Variants in TET2 observed in about 807,000 individuals in gnomAD.
TET2 encodes the protein tet methylcytosine dioxygenase 2.
Under a neutral mutation model 142.9 loss-of-function variants are expected in TET2, and 299 were observed. The ratio of observed to expected loss-of-function variants is 2.09; its 90% CI spans 1.90 to 2.30. TET2 has a LOEUF of 2.30. Ranked by LOEUF, TET2 falls within the 30% of genes most tolerant of loss-of-function variation. TET2 has a pLI of 0.00. For missense variants in TET2, 2,418 were observed against 2,378.0 expected, an observed-to-expected ratio of 1.02 and a Z score of -0.35; for synonymous variants, 819 against 849.0, an observed-to-expected ratio of 0.96 and a Z score of 0.61.
intron 1 of TET2, among the ~76,000 whole-genome samples, chr4:105,182,146 A>C (rs1725155938): frequency 6.6e-6 from 1 of 152,206 alleles, no homozygotes; most frequent in African/African-American, 2.4e-5. Flanking sequence ...TAATTTGCAA[A>C]GACTTGTAAC....
At position 105,236,850 on chromosome 4, in the gene TET2, A is replaced by C; in HGVS notation, c.2908A>C (p.Thr970Pro). The C allele has an allele frequency of 6.2e-7, 1 of 1,614,100 alleles. No individual in the cohort carries two copies. Among genetic ancestry groups the C allele is most frequent in the East Asian group, 2.2e-5 (1 of 44,876 alleles). Residue 970 changes from threonine (T) to proline (P), a missense_variant, in exon 3 of 11, where the codon ACT becomes CCT. Thr to Pro is a conservative substitution (Grantham distance 38). Transcript: ENST00000380013. ...QEQQQTQQPQ[T>P]ESCHSQMHRP... ...ACAGCAGCAAACACAGCAACCCCAA[A>C]CTGAGTCTTGCCATAGTCAGATGCA...
rs376009634 is a variant in TET2, at chr4:105,234,079, C to T, written c.137C>T (p.Pro46Leu). 6.2e-7 allele frequency: 1 copy of T among 1,614,022 alleles called. No individual in the cohort carries two copies. The highest frequency in any genetic ancestry group is 1.1e-5 in the South Asian group (1 of 91,074). Residue 46 changes from proline (P) to leucine (L), a missense_variant, in exon 3 of 11, where the codon CCA becomes CTA. Coordinates refer to ENST00000380013, the MANE Select transcript of TET2 (RefSeq NM_001127208.3). ...NGSPLPERAH[P>L]EVNGDTKWHS... ...AGCCCACTGCCTGAGAGAGCTCATC[C>T]AGAAGTAAATGGAGACACCAAGTGG... is the stretch of plus-strand genomic sequence containing the variant.
intron 1 of TET2, among the ~76,000 whole-genome samples, chr4:105,179,108 A>C (rs1414162622): frequency 6.6e-6 from 1 of 152,138 alleles, no homozygotes; most frequent in Non-Finnish European, 1.5e-5. Flanking sequence ...TGATCCAATT[A>C]CTTCCACCTG....
At chr4:105,177,660 C>G (rs1219253531) in intron 1 of TET2, 1 of 152,230 alleles carries the variant, frequency 6.6e-6, no homozygotes, top group African/African-American at 2.4e-5. Flanking sequence ...GCAACAGGAA[C>G]CTTCATTCAT....
At position 105,236,340 on chromosome 4, in the gene TET2, C is replaced by G. The variant is rs748745799; in HGVS notation, c.2398C>G (p.His800Asp). 1.2e-6 allele frequency: 2 copies of G among 1,613,876 alleles called. No individual in the cohort carries two copies. The highest frequency in any genetic ancestry group is 2.7e-5 in the African/African-American group (2 of 74,924). The change falls in exon 3 of 11, where the codon CAT becomes GAT. Residue 800 changes from histidine (H) to aspartate (D), a missense_variant. Physicochemically the swap from His to Asp is moderately conservative, Grantham distance 81. Transcript: ENST00000380013. The part of the protein sequence containing the change: ...QYSKSSEFET[H>D]NVQMGLEEVQ... ...TTCAAAATCAAGCGAGTTCGAGACTCATAATGTCCAAATGGGACTGGAGGA... is the reference window on the plus strand; with the variant it reads ...TTCAAAATCAAGCGAGTTCGAGACTGATAATGTCCAAATGGGACTGGAGGA...
chr4:105,259,388 T>C (rs1314216701), intron 6 of TET2, among the ~76,000 whole-genome samples: 2 of 152,184 alleles, frequency 1.3e-5, no homozygotes, highest in East Asian at 1.9e-4. Flanking sequence ...CTGGGTATTT[T>C]CCATTTGTAA....
At chr4:105,256,051 A>G (rs1730112778) in intron 6 of TET2, among the ~76,000 whole-genome samples, 1 of 152,110 alleles carries the variant, frequency 6.6e-6, no homozygotes, top group Non-Finnish European at 1.5e-5. Context: ...ACTCTGTGCT[A>G]TTATACAAAT....
In TET2 at chr4:105,234,924, G is replaced by GT; in HGVS notation, c.987dup (p.Glu330Ter). Reference sequence around the variant, plus strand: ...AGAACAACTACAACAACAAAAATCAGTTTTTGAGATATGCCCATCTCCTGC... The same window carrying GT: ...AGAACAACTACAACAACAAAAATCAGTTTTTTGAGATATGCCCATCTCCTGC... On this transcript the variant is annotated frameshift_variant, in exon 3 of 11. Coordinates refer to ENST00000380013, the MANE Select transcript of TET2 (RefSeq NM_001127208.3). LOFTEE classifies it high-confidence loss of function. The GT allele has an allele frequency of 6.2e-7, 1 of 1,614,058 alleles. No homozygotes were observed.
chr4:105,237,680 A>T, intron 3 of TET2: 1 of 1,334,694 alleles, frequency 7.5e-7, no homozygotes, highest in East Asian at 3.2e-5. Context: ...CTGGAGAGAC[A>T]GCTAGGCAGC....
At chr4:105,197,478 G>A (rs1267430497) in intron 2 of TET2, among the ~76,000 whole-genome samples, 11 of 152,220 alleles carry the variant, frequency 7.2e-5, no homozygotes, top group African/African-American at 2.7e-4. Context: ...AAAGTGGTCA[G>A]TGGACTTTAG....
chr4:105,227,839 CTGAATAGCAGG>C (rs1285459634), intron 2 of TET2, among the ~76,000 whole-genome samples: 3 of 152,248 alleles, frequency 2.0e-5, no homozygotes, highest in Non-Finnish European at 2.9e-5. Flanking sequence ...TCTACTTTCA[CTGAATAGCAGG>C]TGAATAGCAG....
intron 2 of TET2, among the ~76,000 whole-genome samples, chr4:105,214,521 G>A (rs867015860): frequency 1.5e-5 from 2 of 131,098 alleles, no homozygotes; most frequent in Non-Finnish European, 1.5e-5. Flanking sequence ...ATGTTGCCCA[G>A]TCTGGCCTCC....
chr4:105,220,734 T>G (rs560852068), intron 2 of TET2, among the ~76,000 whole-genome samples: 1 of 152,298 alleles, frequency 6.6e-6, no homozygotes, highest in South Asian at 2.1e-4. Flanking sequence ...TCTTGACATA[T>G]ATGGAGCGTT....
chr4:105,238,015 AC>A, intron 3 of TET2: 1 of 730,496 alleles, frequency 1.4e-6, no homozygotes, highest in Non-Finnish European at 1.8e-6. Flanking sequence ...TTGGCTCCAT[AC>A]CACAATAAAA....
At chr4:105,247,049 A>C (rs565470006) in intron 6 of TET2, among the ~76,000 whole-genome samples, 90 of 152,338 alleles carry the variant, frequency 5.9e-4, no homozygotes, top group African/African-American at 2.1e-3. Flanking sequence ...ATGGTGGGTG[A>C]TGTTAAACAT....
At chr4:105,227,358 A>C (rs1479177099) in intron 2 of TET2, among the ~76,000 whole-genome samples, 1 of 152,188 alleles carries the variant, frequency 6.6e-6, no homozygotes, top group African/African-American at 2.4e-5. Flanking sequence ...GCATCCTCTT[A>C]GGAAAGACAT....
At position 105,236,112 on chromosome 4, in the gene TET2, C is replaced by T; in HGVS notation, c.2170C>T (p.His724Tyr). The change falls in exon 3 of 11, where the codon CAT becomes TAT. Residue 724 changes from histidine to tyrosine, a missense_variant. By Grantham distance (83) the His-to-Tyr change is moderately conservative. Coordinates refer to ENST00000380013, the MANE Select transcript of TET2 (RefSeq NM_001127208.3). ...CTCACACCTTTTGCAACATAAGCCT[C>T]ATAAACAGGCAGCACAAACACAACC... is the stretch of plus-strand genomic sequence containing the variant. ...SNSHLLQHKP[H>Y]KQAAQTQPSQ... 15 of 1,614,158 alleles carry T rather than the reference C, an allele frequency of 9.3e-6. No individual in the cohort carries two copies. The highest frequency in any genetic ancestry group is 1.3e-5 in the Non-Finnish European group (15 of 1,180,018).
Position 105,235,346 on chromosome 4 carries a change from T to C in TET2, c.1404T>C (p.His468=), listed in dbSNP as rs942126451. ...CCCAGAGTCCTAATCCATCTACACA[T>C]GTATGCAGCCCTTCTCCGATGCTTT... ...PPSQSPNPST[H]VCSPSPMLSE... is the part of the protein sequence containing the mutation. The change falls in exon 3 of 11, where the codon CAT becomes CAC. Residue 468 remains histidine, a synonymous_variant. Coordinates refer to ENST00000380013, the MANE Select transcript of TET2 (RefSeq NM_001127208.3). The C allele has an allele frequency of 9.3e-6, 15 of 1,614,034 alleles. No individual in the cohort carries two copies. Among genetic ancestry groups the C allele is most frequent in the African/African-American group, 2.7e-5 (2 of 74,924 alleles).
rs202121767 is a variant in TET2 at position 105,252,968 on chromosome 4, CTT to C, written c.3804-6649_3804-6648del. On this transcript the variant is annotated intron_variant, in intron 6 of 10. Coordinates refer to ENST00000380013, the MANE Select transcript of TET2 (RefSeq NM_001127208.3). ...TAATTAAGTGGTCTGTTTCTGGACT[CTT>C]TATTCTGTTCCATTGATATATTTGT... 6.7e-3 allele frequency among the ~76,000 whole-genome samples: 1,027 copies of C among 152,222 alleles called. 11 individuals carry two copies. Among genetic ancestry groups the C allele is most frequent in the African/African-American group, 0.023 (969 of 41,558 alleles).
Sources: gnomAD v4.1 joint callset for allele counts (sites outside exome capture counted in the v4.1 genomes callset) on GRCh38, gnomAD v4.1.1 for gene constraint, MANE v1.5 for transcripts, NCBI Gene and HGNC (gene_info 2026-07-23, HGNC 2026-07-21) for gene names.